The following SLC9A9 variants were observed in gnomAD, a reference collection of about 807,000 sequenced individuals.
SLC9A9 encodes sodium/hydrogen exchanger 9.
In SLC9A9, 62 loss-of-function variants were observed where a neutral mutation model predicts 77.8. That is an observed-to-expected ratio of 0.80 (90% CI 0.65 to 0.98). The LOEUF (loss-of-function observed/expected upper bound fraction) is 0.98. Ranked by LOEUF, SLC9A9 falls within the 50% of genes least tolerant of loss-of-function variation. SLC9A9 has a pLI of 0.00. For synonymous variants in SLC9A9, 320 were observed against 283.5 expected, an observed-to-expected ratio of 1.13 and a Z score of -1.29; for missense variants, 775 against 774.9, an observed-to-expected ratio of 1.00 and a Z score of 0.00.
At chr3:143,609,390 G>T (rs1239392620) in intron 6 of SLC9A9, among the ~76,000 whole-genome samples, 2 of 152,152 alleles carry the variant, frequency 1.3e-5, no homozygotes, top group Non-Finnish European at 2.9e-5. Flanking sequence ...GAATAGGATA[G>T]CCTAGAATCA....
chr3:143,346,019 AT>A lies in SLC9A9; in HGVS notation c.1604+17464del, dbSNP rs146287132. ...CTCTTTAAAGCTACTGAATGCAAAG[AT>A]TTTTTTTTTAATTAAGCTAAAGGGA... On this transcript the variant is annotated intron_variant, in intron 14 of 15. Coordinates refer to ENST00000316549, the MANE Select transcript of SLC9A9 (RefSeq NM_173653.4). Among the ~76,000 whole-genome samples the A allele has an allele frequency of 1.0e-3, 154 of 151,032 alleles. 3 individuals are homozygous for A. The East Asian group carries it at 0.028, about 28-fold the overall frequency.
intron 5 of SLC9A9, among the ~76,000 whole-genome samples, chr3:143,676,241 C>A (rs112075069): frequency 0.035 from 5,366 of 152,230 alleles, 292 homozygotes; most frequent in African/African-American, 0.12. Context: ...AAGCCACAGA[C>A]CTGTACCCGT....
chr3:143,762,692 G>A (rs992955289), intron 4 of SLC9A9, among the ~76,000 whole-genome samples: 5 of 152,118 alleles, frequency 3.3e-5, no homozygotes, highest in African/African-American at 1.2e-4. Flanking sequence ...CACAGCACAA[G>A]GAGATTGTCT....
chr3:143,428,279 A>AATAGACATTCTGT lies in SLC9A9; in HGVS notation c.1469+38757_1469+38758insACAGAATGTCTAT, dbSNP rs564781418. On this transcript the variant is annotated intron_variant, in intron 12 of 15. Transcript: ENST00000316549. ...ATAAAAGACCTGAATAGACATTCTG[A>AATAGACATTCTGT]ATAGACATTTTTCAGAATATACAAA... Among the ~76,000 whole-genome samples the AATAGACATTCTGT allele has an allele frequency of 4.3e-3, 656 of 152,274 alleles. 5 individuals carry two copies. Among genetic ancestry groups the AATAGACATTCTGT allele is most frequent in the Non-Finnish European group, 5.4e-3 (368 of 68,012 alleles).
At chr3:143,718,648 T>C (rs1028494846) in intron 4 of SLC9A9, among the ~76,000 whole-genome samples, 9 of 152,206 alleles carry the variant, frequency 5.9e-5, no homozygotes, top group African/African-American at 2.2e-4. Context: ...GCTATTGCCC[T>C]TTAAGCCCTT....
Position 143,569,206 on chromosome 3 carries a change from C to A in SLC9A9, c.1000+4882G>T, listed in dbSNP as rs1486835461. Among the ~76,000 whole-genome samples the A allele has an allele frequency of 2.6e-5, 4 of 151,348 alleles. No individual in the cohort carries two copies. In the East Asian group the frequency reaches 7.7e-4, roughly 29 times the overall value. ...AAGTCCATCAGGAATAATAAATACA[C>A]AGGTATAGCAAAGGAACTTTTGAAT... is the stretch of plus-strand genomic sequence containing the variant. On this transcript the variant is annotated intron_variant, in intron 8 of 15. Coordinates refer to ENST00000316549, the MANE Select transcript of SLC9A9 (RefSeq NM_173653.4).
At chr3:143,465,223 A>C (rs920265681) in intron 12 of SLC9A9, among the ~76,000 whole-genome samples, 3 of 151,954 alleles carry the variant, frequency 2.0e-5, no homozygotes, top group African/African-American at 7.3e-5. Flanking sequence ...CAGGCACTTC[A>C]CCCCTGGACA....
chr3:143,748,248 T>C (rs895906981), intron 4 of SLC9A9, among the ~76,000 whole-genome samples: 39 of 152,310 alleles, frequency 2.6e-4, no homozygotes, highest in African/African-American at 8.7e-4. Context: ...GCTCTGTTTG[T>C]GCTCTTATCC....
chr3:143,453,542 CAAAT>C (rs2035041388), intron 12 of SLC9A9, among the ~76,000 whole-genome samples: 2 of 152,026 alleles, frequency 1.3e-5, no homozygotes, highest in Admixed American at 6.6e-5. Flanking sequence ...ATCATACTAA[CAAAT>C]TAAAAGAAGA....
intron 14 of SLC9A9, among the ~76,000 whole-genome samples, chr3:143,293,328 ATTCT>A (rs536586316): frequency 1.6e-4 from 24 of 152,312 alleles, no homozygotes; most frequent in African/African-American, 5.5e-4. Context: ...TGTATTCTTC[ATTCT>A]TTATTTTAGT....
At chr3:143,325,848 A>C (rs1200417496) in intron 14 of SLC9A9, among the ~76,000 whole-genome samples, 1 of 152,198 alleles carries the variant, frequency 6.6e-6, no homozygotes, top group Non-Finnish European at 1.5e-5. Context: ...GGGCAAACAG[A>C]GGAGTGGATC....
At chr3:143,693,105 G>T in intron 5 of SLC9A9, 87 bp downstream of exon 5, 1 of 945,474 alleles carries the variant, frequency 1.1e-6, no homozygotes, top group Non-Finnish European at 1.7e-6. Context: ...TTATTATTAT[G>T]TAGACGCAGG....
chr3:143,539,433 G>A (rs1399644852), intron 9 of SLC9A9, among the ~76,000 whole-genome samples: 4 of 152,116 alleles, frequency 2.6e-5, no homozygotes, highest in Non-Finnish European at 5.9e-5. Flanking sequence ...TAAGGAAATG[G>A]CATCCTTAAA....
chr3:143,552,333 C>T (rs774293677), intron 9 of SLC9A9, 29 bp downstream of exon 9: 15 of 1,536,012 alleles, frequency 9.8e-6, no homozygotes, highest in Middle Eastern at 3.5e-4. Context: ...AGAAAAGAGA[C>T]CAAGTCTGTA....
In SLC9A9 at chr3:143,760,492, G is replaced by T. The variant is rs112782183; in HGVS notation, c.533+34509C>A. Among the ~76,000 whole-genome samples the T allele has an allele frequency of 5.9e-5, 9 of 152,274 alleles. 1 individual carries two copies. Among genetic ancestry groups the T allele is most frequent in the African/African-American group, 2.2e-4 (9 of 41,552 alleles). On this transcript the variant is annotated intron_variant, in intron 4 of 15. Transcript: ENST00000316549. Reference sequence around the variant, plus strand: ...CTCCTTAAGTTGATAAGCAACTTCAGCAAAGTCTCAGGTACAAAATCAATG... The same window carrying T: ...CTCCTTAAGTTGATAAGCAACTTCATCAAAGTCTCAGGTACAAAATCAATG...
intron 5 of SLC9A9, among the ~76,000 whole-genome samples, chr3:143,658,509 A>T (rs543314201): frequency 2.0e-5 from 3 of 152,338 alleles, no homozygotes; most frequent in African/African-American, 7.2e-5. Flanking sequence ...GAGGAAAATT[A>T]TTCTTTTTAC....
At chr3:143,625,951 C>T (rs1402106182) in intron 6 of SLC9A9, among the ~76,000 whole-genome samples, 17 of 152,082 alleles carry the variant, frequency 1.1e-4, no homozygotes, top group South Asian at 2.1e-4. Flanking sequence ...AAAATGTGGG[C>T]GAAGGATATG....
intron 6 of SLC9A9, among the ~76,000 whole-genome samples, chr3:143,606,337 C>T (rs1227381828): frequency 2.0e-5 from 3 of 147,870 alleles, no homozygotes; most frequent in East Asian, 2.0e-4. Flanking sequence ...CCTGGGGGAA[C>T]GAGATGGAGG....
At chr3:143,765,002 T>TTCCTTCCTTCCTTC (rs1180532419) in intron 4 of SLC9A9, among the ~76,000 whole-genome samples, 5 of 136,084 alleles carry the variant, frequency 3.7e-5, no homozygotes, top group African/African-American at 1.7e-4. Flanking sequence ...TTCCTTCCTT[T>TTCCTTCCTTCCTTC]CTTTCTTTCT....
Sources: allele counts gnomAD v4.1 joint callset (sites outside exome capture counted in the v4.1 genomes callset), GRCh38; gene constraint gnomAD v4.1.1; transcripts MANE v1.5; gene names NCBI Gene and HGNC (gene_info 2026-07-23, HGNC 2026-07-21).